HIPK1: variants seen among roughly 807,000 people sequenced by gnomAD.
HIPK1 encodes homeodomain-interacting protein kinase 1.
Under a neutral mutation model 117.1 loss-of-function variants are expected in HIPK1, and 28 were observed. The ratio of observed to expected loss-of-function variants is 0.24; its 90% CI spans 0.18 to 0.33. The LOEUF is 0.33. Ranked by LOEUF, HIPK1 falls within the 10% of genes least tolerant of loss-of-function variation. The pLI is 1.00. For missense variants in HIPK1, 1,122 were observed against 1,475.1 expected (o/e 0.76, Z 3.92); for synonymous variants, 605 against 562.5 (o/e 1.08, Z -1.07).
Position 113,971,852 on chromosome 1 carries a change from C to A in HIPK1, c.3042C>A (p.Val1014=), listed in dbSNP as rs149548879. ...TCCTGAGCAATAAGACTAAGCCAGT[C>A]GCTTCAGTGAGTGGGCAGTCATCTG... is the stretch of plus-strand genomic sequence containing the variant. ...SGLLSNKTKP[V]ASVSGQSSGC... The change falls in exon 15 of 16, where the codon GTC becomes GTA. Residue 1014 remains valine (V), a synonymous_variant. Coordinates refer to ENST00000426820, the MANE Select transcript of HIPK1 (RefSeq NM_198268.3). The A allele has an allele frequency of 3.1e-6, 5 of 1,598,822 alleles. No individual in the cohort carries two copies. The highest frequency in any genetic ancestry group is 1.8e-5 in the Admixed American group (1 of 55,098).
chr1:113,934,519 T>G (rs573617077), intron 1 of HIPK1, among the ~76,000 whole-genome samples: 2 of 152,190 alleles, frequency 1.3e-5, no homozygotes, highest in Non-Finnish European at 2.9e-5. Flanking sequence ...CCATCATTGC[T>G]ACTTTGGTAT....
chr1:113,971,274 T>G (rs2101502386), intron 14 of HIPK1, among the ~76,000 whole-genome samples: 1 of 152,338 alleles, frequency 6.6e-6, no homozygotes, highest in South Asian at 2.1e-4. Flanking sequence ...GAATATAGGC[T>G]ATCACATGAG....
At chr1:113,962,032 A>T (rs1188060396) in intron 8 of HIPK1, among the ~76,000 whole-genome samples, 2 of 150,892 alleles carry the variant, frequency 1.3e-5, no homozygotes, top group Non-Finnish European at 3.0e-5. Context: ...CTTAATGGAG[A>T]TGGGATGAAT....
At chr1:113,944,471 GTTTTTTTTTGT>G (rs749331706) in intron 2 of HIPK1, among the ~76,000 whole-genome samples, 191 of 142,944 alleles carry the variant, frequency 1.3e-3, no homozygotes, top group South Asian at 2.0e-3. Flanking sequence ...GCCAATAATA[GTTTTTTTTTGT>G]TTTTTTTTTG....
At chr1:113,967,456 C>A (rs1267364243) in intron 11 of HIPK1, among the ~76,000 whole-genome samples, 1 of 152,136 alleles carries the variant, frequency 6.6e-6, no homozygotes, top group Non-Finnish European at 1.5e-5. Context: ...CAGTTTTGAT[C>A]TGCATTTCTC....
intron 2 of HIPK1, among the ~76,000 whole-genome samples, chr1:113,944,159 G>GTTTTTTTTTTTTT (rs140161727): frequency 7.2e-5 from 4 of 55,218 alleles, no homozygotes; most frequent in African/African-American, 8.7e-5. Flanking sequence ...ATAGCCATGG[G>GTTTTTTTTTTTTT]TTTTTTTTTT....
At chr1:113,943,442 G>T (rs961344360) in intron 2 of HIPK1, among the ~76,000 whole-genome samples, 3 of 152,144 alleles carry the variant, frequency 2.0e-5, no homozygotes, top group African/African-American at 7.2e-5. Context: ...GCTAATCCAT[G>T]CTGTAACATG....
At chr1:113,955,412 G>T in intron 4 of HIPK1, 151 bp from the exon 5 acceptor site, 1 of 600,868 alleles carries the variant, frequency 1.7e-6, no homozygotes, top group Non-Finnish European at 3.0e-6. Flanking sequence ...CTCTCCACTG[G>T]AAGATTTTCT....
In HIPK1 at chr1:113,956,716, C is replaced by T. The variant is rs897609778; in HGVS notation, c.1497C>T (p.Leu499=). ...REYIDLLKKM[L]TIDADKRITP... is the part of the protein sequence containing the mutation. ...ACATTGATCTGTTAAAGAAAATGCT[C>T]ACAATTGATGCAGATAAGAGAATTA... The change falls in exon 6 of 16, where the codon CTC becomes CTT. Residue 499 remains leucine (L), a synonymous_variant. Transcript: ENST00000426820. 6.2e-7 allele frequency: 1 copy of T among 1,613,848 alleles called. No homozygotes were observed. The highest frequency in any genetic ancestry group is 8.5e-7 in the Non-Finnish European group (1 of 1,179,748).
rs1672255965 is a variant in HIPK1 at position 113,963,477 on chromosome 1, G to A, written c.2194G>A (p.Ala732Thr). Residue 732 changes from alanine to threonine, a missense_variant, in exon 10 of 16, where the codon GCA (alanine) becomes ACA (threonine). Physicochemically the swap from Ala to Thr is moderately conservative, Grantham distance 58 (BLOSUM62 0). Around this residue, in one of 6 missense-constraint regions of HIPK1, gnomAD observed 731 missense variants for 860.4 expected, o/e 0.85. Transcript: ENST00000426820. Reference protein sequence around the residue: ...QYAVPFTLSCAAGRPALVEQT... With the variant: ...QYAVPFTLSCTAGRPALVEQT... ...TGCGGTGCCCTTTACTCTGAGCTGC[G>A]CAGCCGGCCGGCCGGCGCTGGTTGA... The A allele has an allele frequency of 6.2e-7, 1 of 1,614,154 alleles. No individual in the cohort carries two copies. The highest frequency in any genetic ancestry group is 1.1e-5 in the South Asian group (1 of 91,074).
intron 7 of HIPK1, among the ~76,000 whole-genome samples, chr1:113,957,534 G>C (rs1053068271): frequency 2.6e-5 from 4 of 152,170 alleles, no homozygotes; most frequent in African/African-American, 9.7e-5. Flanking sequence ...AATGGGGTCT[G>C]ACTATTATGC....
At chr1:113,930,272 C>G (rs939778183) in intron 1 of HIPK1, among the ~76,000 whole-genome samples, 2 of 152,248 alleles carry the variant, frequency 1.3e-5, no homozygotes, top group Non-Finnish European at 2.9e-5. Flanking sequence ...TTTTCCCCGG[C>G]TGTCGTGGCA....
intron 2 of HIPK1, among the ~76,000 whole-genome samples, chr1:113,944,767 C>A (rs918354435): frequency 6.6e-6 from 1 of 151,632 alleles, no homozygotes; most frequent in Non-Finnish European, 1.5e-5. Context: ...TCAATAATAG[C>A]CATTCTTATG....
chr1:113,962,578 T>C, intron 9 of HIPK1, 140 bp downstream of exon 9: 1 of 723,278 alleles, frequency 1.4e-6, no homozygotes, highest in South Asian at 2.2e-5. Context: ...GAAACATCTC[T>C]ATGGAACAAT....
At position 113,941,569 on chromosome 1, in the gene HIPK1, T is replaced by G. The variant is rs1670639767; in HGVS notation, c.1076+110T>G. 2 of 829,156 alleles carry G rather than the reference T, an allele frequency of 2.4e-6. No homozygotes were observed. Among genetic ancestry groups the G allele is most frequent in the South Asian group, 3.3e-5 (2 of 59,832 alleles). 51.4% of individuals were successfully genotyped at this position (829,156 alleles called of 1,614,324 possible). A position where few individuals can be genotyped will look rare whatever the true frequency, so the allele number is the denominator to read the frequency against. On this transcript the variant is annotated intron_variant, in intron 2 of 15. Transcript: ENST00000426820. This position sits in a 1 kb window ranked among gnomAD's most constrained non-coding sequence, Gnocchi z 4.9. ...ATGAATTTGTTTATAGATTCTGAGA[T>G]AGAAATAGGATATGTTTTAGCTCAT... is the stretch of plus-strand genomic sequence containing the variant.
chr1:113,956,249 A>AT (rs890203031), intron 5 of HIPK1, among the ~76,000 whole-genome samples: 9 of 150,698 alleles, frequency 6.0e-5, no homozygotes, highest in African/African-American at 9.8e-5. Context: ...TAATTTTTGT[A>AT]TTTTTTTTAG....
chr1:113,953,054 C>T (rs1356443579), intron 3 of HIPK1, among the ~76,000 whole-genome samples, 165 bp downstream of exon 3: 1 of 152,036 alleles, frequency 6.6e-6, no homozygotes, highest in African/African-American at 2.4e-5. Flanking sequence ...TTTTCTCTTC[C>T]TGCTTCTTAG....
chr1:113,956,485 T>A, intron 5 of HIPK1, 142 bp from the exon 6 acceptor site: 1 of 511,834 alleles, frequency 2.0e-6, no homozygotes, highest in African/African-American at 2.0e-5. Context: ...TGAAAATGAT[T>A]AGATTTTCAT....
rs1183462213 is a variant in HIPK1 at position 113,973,836 on chromosome 1, T to C, written c.*324T>C. ...TGTTCTGAAGTTACCCTCTGAAAAA[T>C]ATTTTGTCTCTCTGACTTGATTTCT... On this transcript the variant is annotated 3_prime_UTR_variant, in exon 16 of 16. Transcript: ENST00000426820. 4.8e-6 allele frequency: 1 copy of C among 208,432 alleles called. No individual in the cohort carries two copies. The highest frequency in any genetic ancestry group is 5.9e-5 in the Admixed American group (1 of 16,862). The allele number at this position is 208,432 out of a possible 1,614,324, so 12.9% of individuals were successfully genotyped here. A position where few individuals can be genotyped will look rare whatever the true frequency, so the allele number is the denominator to read the frequency against.
Sources: gnomAD v4.1 joint callset for allele counts (sites outside exome capture counted in the v4.1 genomes callset) on GRCh38, gnomAD v4.1.1 for gene constraint, gnomAD v4.1.1 regional missense constraint, Gnocchi (gnomAD v3.1) non-coding constraint, MANE v1.5 for transcripts, NCBI Gene and HGNC (gene_info 2026-07-23, HGNC 2026-07-21) for gene names.